ARL15: variants seen among roughly 807,000 people sequenced by gnomAD.
ARL15 encodes ARF like GTPase 15.
A neutral mutation model predicts 25.2 loss-of-function variants in ARL15; 19 were observed. The ratio of observed to expected loss-of-function variants is 0.75; its 90% CI spans 0.53 to 1.10. The LOEUF (loss-of-function observed/expected upper bound fraction) is 1.10. Among genes scored for constraint, ARL15 ranks in the 50% least tolerant of loss-of-function variants. The probability of loss-of-function intolerance (pLI) is 0.00; values close to 1 mark genes in which losing one functional copy is unlikely to be tolerated. For synonymous variants in ARL15, 94 were observed against 86.8 expected, an observed-to-expected ratio of 1.08 and a Z score of -0.46; for missense variants, 220 against 246.0, an observed-to-expected ratio of 0.89 and a Z score of 0.71.
At position 54,028,509 on chromosome 5, in the gene ARL15, A is replaced by AT. The variant is rs916542415; in HGVS notation, c.462+84692dup. 6.4e-4 allele frequency among the ~76,000 whole-genome samples: 58 copies of AT among 90,784 alleles called. No homozygotes were observed. In the East Asian group the frequency reaches 0.026, roughly 41 times the overall value. 59.6% of individuals were successfully genotyped at this position (90,784 alleles called of 152,430 possible). Reference sequence around the variant, plus strand: ...TTGAGGGGAATCTTCTTTTTAGTAAATTAAAAAAAAAAAAAAACCACAACT... The same window carrying AT: ...TTGAGGGGAATCTTCTTTTTAGTAAATTTAAAAAAAAAAAAAAACCACAACT... On this transcript the variant is annotated intron_variant, in intron 4 of 4. Coordinates refer to ENST00000504924, the MANE Select transcript of ARL15 (RefSeq NM_019087.3).
chr5:53,921,853 G>A (rs1398072463), intron 4 of ARL15, among the ~76,000 whole-genome samples: 4 of 152,200 alleles, frequency 2.6e-5, no homozygotes, highest in Non-Finnish European at 4.4e-5. Context: ...TGAGCAGTTT[G>A]ACAATCACTA....
chr5:54,201,319 TGAA>T (rs1472090248), intron 1 of ARL15, among the ~76,000 whole-genome samples: 2 of 152,072 alleles, frequency 1.3e-5, no homozygotes, highest in Non-Finnish European at 2.9e-5. Context: ...CACATCACCA[TGAA>T]AGGAATAAGC....
chr5:53,890,806 C>T (rs530036324), intron 4 of ARL15, among the ~76,000 whole-genome samples: 21 of 152,294 alleles, frequency 1.4e-4, no homozygotes, highest in African/African-American at 3.9e-4. Flanking sequence ...ATAACAGAGA[C>T]GACTCGGCAC....
At chr5:54,220,044 A>G (rs1756327618) in intron 1 of ARL15, among the ~76,000 whole-genome samples, 1 of 152,190 alleles carries the variant, frequency 6.6e-6, no homozygotes, top group African/African-American at 2.4e-5. Flanking sequence ...AGAAATTCCT[A>G]TAACAGATTA....
intron 4 of ARL15, among the ~76,000 whole-genome samples, chr5:53,944,154 C>A (rs1179848376): frequency 6.6e-6 from 1 of 152,134 alleles, no homozygotes; most frequent in Non-Finnish European, 1.5e-5. Flanking sequence ...AAAAACACAA[C>A]AGGGTTTGAA....
chr5:54,169,213 A>T (rs1579868536), intron 2 of ARL15, among the ~76,000 whole-genome samples: 1 of 152,264 alleles, frequency 6.6e-6, no homozygotes, highest in Non-Finnish European at 1.5e-5. Flanking sequence ...CTCCTCTAGC[A>T]ATAGTGCTAG....
At chr5:54,242,525 A>G (rs1161590095) in intron 1 of ARL15, among the ~76,000 whole-genome samples, 1 of 152,192 alleles carries the variant, frequency 6.6e-6, no homozygotes, top group Non-Finnish European at 1.5e-5. Context: ...CTAAGCCAAG[A>G]CAATCAGAGG....
At chr5:54,020,264 G>A (rs903394280) in intron 4 of ARL15, among the ~76,000 whole-genome samples, 20 of 152,254 alleles carry the variant, frequency 1.3e-4, no homozygotes, top group South Asian at 8.3e-4. Flanking sequence ...CAGTGTCAGC[G>A]GAGGCCTACT....
At chr5:54,133,299 C>G (rs1561236818) in intron 3 of ARL15, among the ~76,000 whole-genome samples, 2 of 152,132 alleles carry the variant, frequency 1.3e-5, no homozygotes, top group Non-Finnish European at 2.9e-5. Flanking sequence ...CAGAAATTGT[C>G]TAAACCATAT....
At chr5:54,260,423 T>C (rs748788076) in intron 1 of ARL15, among the ~76,000 whole-genome samples, 23 of 152,330 alleles carry the variant, frequency 1.5e-4, no homozygotes, top group Middle Eastern at 6.8e-3. Flanking sequence ...TTTCTTTTGA[T>C]ATGTCTATGC....
intron 4 of ARL15, chr5:54,067,207 G>A (rs145373971): frequency 5.1e-4 from 78 of 152,756 alleles, no homozygotes; most frequent in Non-Finnish European, 2.6e-4. Flanking sequence ...TACTGAGATT[G>A]ACAATATATG....
At chr5:54,111,797 C>T (rs77191518) in intron 4 of ARL15, among the ~76,000 whole-genome samples, 3,751 of 152,060 alleles carry the variant, frequency 0.025, 131 homozygotes, top group African/African-American at 0.079. Flanking sequence ...TCTCAGCAAA[C>T]GACCTTATAA....
intron 2 of ARL15, among the ~76,000 whole-genome samples, chr5:54,156,875 T>C (rs1183879582): frequency 6.6e-6 from 1 of 152,170 alleles, no homozygotes; most frequent in Non-Finnish European, 1.5e-5. Context: ...CAGGAAAGCC[T>C]CTCCAGGTGT....
chr5:54,258,828 C>T (rs1757429828), intron 1 of ARL15, among the ~76,000 whole-genome samples: 1 of 152,186 alleles, frequency 6.6e-6, no homozygotes, highest in Non-Finnish European at 1.5e-5. Context: ...CTGAGCCCCT[C>T]CAGGCTAAGC....
chr5:54,055,731 T>G (rs554053077), intron 4 of ARL15, among the ~76,000 whole-genome samples: 4 of 152,256 alleles, frequency 2.6e-5, no homozygotes, highest in African/African-American at 4.8e-5. Context: ...TACATCCAGT[T>G]TCTTCTGTCA....
intron 3 of ARL15, among the ~76,000 whole-genome samples, chr5:54,137,954 G>C (rs1753656270): frequency 6.6e-6 from 1 of 151,866 alleles, no homozygotes; most frequent in African/African-American, 2.4e-5. Context: ...ACTTACAAAA[G>C]AGAATTTTAG....
intron 2 of ARL15, among the ~76,000 whole-genome samples, chr5:54,157,556 C>T (rs1272642943): frequency 6.6e-6 from 1 of 151,948 alleles, no homozygotes; most frequent in East Asian, 1.9e-4. Context: ...GGACTACAGG[C>T]ACCCACCACC....
intron 4 of ARL15, among the ~76,000 whole-genome samples, chr5:54,004,877 T>G (rs1413138406): frequency 6.6e-6 from 1 of 152,192 alleles, no homozygotes; most frequent in Non-Finnish European, 1.5e-5. Flanking sequence ...TACATTTTGT[T>G]GAGGGCCTAC....
chr5:54,161,949 C>T (rs1452053025), intron 2 of ARL15, among the ~76,000 whole-genome samples: 1 of 151,512 alleles, frequency 6.6e-6, no homozygotes, highest in East Asian at 1.9e-4. Flanking sequence ...CTGTTTATTT[C>T]AGTACCCTCC....
Sources: allele counts gnomAD v4.1 joint callset (sites outside exome capture counted in the v4.1 genomes callset), GRCh38; gene constraint gnomAD v4.1.1; transcripts MANE v1.5; gene names NCBI Gene and HGNC (gene_info 2026-07-23, HGNC 2026-07-21).